TENM2: variants seen among roughly 807,000 people sequenced by gnomAD.
The protein encoded by TENM2 is teneurin-2.
In TENM2, 52 loss-of-function variants were observed where a neutral mutation model predicts 245.2. That is an observed-to-expected ratio of 0.21 (90% CI 0.17 to 0.27). The LOEUF is 0.27. Among genes scored for constraint, TENM2 ranks in the 10% least tolerant of loss-of-function variants. TENM2 has a pLI of 1.00. For missense variants in TENM2, 3,046 were observed against 3,666.8 expected, an observed-to-expected ratio of 0.83 and a Z score of 4.37; for synonymous variants, 1,363 against 1,438.9, an observed-to-expected ratio of 0.95 and a Z score of 1.19.
chr5:167,342,507 CTTTTTTTTTTTTTT>C lies in TENM2; in HGVS notation c.227-32673_227-32660del, dbSNP rs35451881. On this transcript the variant is annotated intron_variant, in intron 1 of 28. Coordinates refer to ENST00000518659, the Ensembl canonical transcript of TENM2. ...CAGGTTTCTCAACTGTAAAGTTATT[CTTTTTTTTTTTTTT>C]TTTTTTTTTTTTTTTTTGAGACGGA... is the stretch of plus-strand genomic sequence containing the variant. 8.7e-3 allele frequency among the ~76,000 whole-genome samples: 475 copies of C among 54,340 alleles called. 19 individuals are homozygous for C. In the East Asian group the frequency reaches 0.22, roughly 25 times the overall value. The allele number at this position is 54,340 out of a possible 152,430, so 35.6% of individuals were successfully genotyped here. A position where few individuals can be genotyped will look rare whatever the true frequency, so the allele number is the denominator to read the frequency against.
intron 2 of TENM2, among the ~76,000 whole-genome samples, chr5:167,778,498 G>A (rs1763964544): frequency 1.3e-5 from 2 of 152,144 alleles, no homozygotes; most frequent in Non-Finnish European, 2.9e-5. Context: ...AGAGTAACTC[G>A]GTACCTGCTA....
chr5:167,780,922 C>T (rs1211862117), intron 2 of TENM2, among the ~76,000 whole-genome samples: 4 of 152,172 alleles, frequency 2.6e-5, no homozygotes, highest in Non-Finnish European at 5.9e-5. Context: ...TTTGTCAACA[C>T]TTTTGTTTCC....
chr5:167,747,686 G>C (rs2150627173), intron 2 of TENM2, among the ~76,000 whole-genome samples: 1 of 152,246 alleles, frequency 6.6e-6, no homozygotes, highest in South Asian at 2.1e-4. Context: ...ACTAAGGACT[G>C]AATTTGCTTT....
At chr5:167,419,663 C>T (rs1008360659) in intron 2 of TENM2, among the ~76,000 whole-genome samples, 4 of 152,142 alleles carry the variant, frequency 2.6e-5, no homozygotes, top group African/African-American at 9.7e-5. Context: ...ATGAAAAGTG[C>T]ATCCATTCTA....
intron 2 of TENM2, among the ~76,000 whole-genome samples, chr5:167,692,084 A>G (rs547907281): frequency 3.2e-4 from 49 of 151,878 alleles, no homozygotes; most frequent in Non-Finnish European, 6.5e-4. Flanking sequence ...CCTCTTTGCC[A>G]CCCCGGAATA....
intron 2 of TENM2, among the ~76,000 whole-genome samples, chr5:167,856,822 G>A (rs761171429): frequency 6.6e-6 from 1 of 152,146 alleles, no homozygotes; most frequent in African/African-American, 2.4e-5. Context: ...GACAAGAGCC[G>A]CTCAGGACTG....
At chr5:167,445,522 G>A (rs934031264) in intron 2 of TENM2, among the ~76,000 whole-genome samples, 7 of 152,120 alleles carry the variant, frequency 4.6e-5, no homozygotes, top group Admixed American at 2.0e-4. Context: ...CAAAGTTATA[G>A]ACTATGAGAA....
chr5:167,991,207 T>G (rs1783640092), intron 4 of TENM2, among the ~76,000 whole-genome samples: 1 of 152,162 alleles, frequency 6.6e-6, no homozygotes, highest in Non-Finnish European at 1.5e-5. Context: ...ACTGAAGACA[T>G]CAAGAGAAAG....
At chr5:167,350,819 G>T (rs527681789) in intron 1 of TENM2, among the ~76,000 whole-genome samples, 2 of 96,480 alleles carry the variant, frequency 2.1e-5, no homozygotes, top group African/African-American at 3.7e-5. Flanking sequence ...TATACATATG[G>T]ATATATATAT....
intron 13 of TENM2, among the ~76,000 whole-genome samples, chr5:168,180,905 A>G (rs535295135): frequency 1.3e-5 from 1 of 76,562 alleles, no homozygotes; most frequent in East Asian, 9.5e-4. Flanking sequence ...TCCATCTTAA[A>G]ATTTAAAAAA....
At chr5:167,260,143 A>G in the TENM2 span, among the ~76,000 whole-genome samples, 1 of 152,194 alleles carries the variant, frequency 6.6e-6, no homozygotes, top group Non-Finnish European at 1.5e-5. Context: ...GTGACTAACA[A>G]GTATCATCTA....
At chr5:168,148,915 A>G (rs1016226485) in intron 12 of TENM2, among the ~76,000 whole-genome samples, 1 of 115,906 alleles carries the variant, frequency 8.6e-6, no homozygotes, top group Non-Finnish European at 1.9e-5. Flanking sequence ...AGATAGATAG[A>G]TAGATTGATA....
At chr5:168,082,750 G>A (rs560320307) in intron 7 of TENM2, among the ~76,000 whole-genome samples, 7 of 152,148 alleles carry the variant, frequency 4.6e-5, no homozygotes, top group Non-Finnish European at 8.8e-5. Flanking sequence ...TATCACCAGC[G>A]GAGGCTGCAG....
chr5:167,112,038 A>C, the TENM2 span, among the ~76,000 whole-genome samples: 1 of 152,188 alleles, frequency 6.6e-6, no homozygotes, highest in East Asian at 1.9e-4. Flanking sequence ...ACACCAAAAT[A>C]CACACTCCAA....
At position 168,083,220 on chromosome 5, in the gene TENM2, C is replaced by T. The variant is rs367792514; in HGVS notation, c.1516-7354C>T. On this transcript the variant is annotated intron_variant, in intron 7 of 28. Transcript: ENST00000518659. ...ATCAGACTGCTGTGCCAGCAATAAC[C>T]GAGGATCCGTTGGTGTGGGACCCTC... is the stretch of plus-strand genomic sequence containing the variant. 2.5e-4 allele frequency among the ~76,000 whole-genome samples: 38 copies of T among 152,326 alleles called. No individual in the cohort carries two copies. The East Asian group carries it at 5.4e-3, about 22-fold the overall frequency.
the TENM2 span, among the ~76,000 whole-genome samples, chr5:167,155,380 A>G: frequency 2.6e-5 from 4 of 152,226 alleles, no homozygotes; most frequent in African/African-American, 7.2e-5. Flanking sequence ...TATTAAACCT[A>G]TGTCAGGCTC....
intron 5 of TENM2, among the ~76,000 whole-genome samples, chr5:167,994,516 C>T (rs1783906553): frequency 6.6e-6 from 1 of 152,228 alleles, no homozygotes; most frequent in Admixed American, 6.5e-5. Context: ...GATCTGGGGC[C>T]CTGCCTAAGG....
At chr5:168,210,561 A>T (rs982207421) in intron 19 of TENM2, among the ~76,000 whole-genome samples, 4 of 152,142 alleles carry the variant, frequency 2.6e-5, no homozygotes, top group Non-Finnish European at 5.9e-5. Flanking sequence ...ATGAATCTTA[A>T]ATTGCACTAT....
At chr5:167,579,546 G>A (rs1054837004) in intron 2 of TENM2, among the ~76,000 whole-genome samples, 5 of 152,150 alleles carry the variant, frequency 3.3e-5, no homozygotes, top group East Asian at 1.9e-4. Flanking sequence ...CTGACGGTTC[G>A]ACAGTCGTAG....
Sources: gnomAD v4.1 joint callset for allele counts (sites outside exome capture counted in the v4.1 genomes callset) on GRCh38, gnomAD v4.1.1 for gene constraint, MANE v1.5 for transcripts, NCBI Gene and HGNC (gene_info 2026-07-23, HGNC 2026-07-21) for gene names.